The following ST6GALNAC3 variants were observed in gnomAD, a reference collection of about 807,000 sequenced individuals.
The protein encoded by ST6GALNAC3 is alpha-N-acetylgalactosaminide alpha-2,6-sialyltransferase 3.
A neutral mutation model predicts 32.7 loss-of-function variants in ST6GALNAC3; 25 were observed. The ratio of observed to expected loss-of-function variants is 0.76; its 90% CI spans 0.56 to 1.07. The LOEUF is 1.07. Ranked by LOEUF, ST6GALNAC3 falls within the 50% of genes least tolerant of loss-of-function variation. ST6GALNAC3 has a pLI of 0.00. For missense variants in ST6GALNAC3, 355 were observed against 382.4 expected, an observed-to-expected ratio of 0.93 and a Z score of 0.60; for synonymous variants, 129 against 133.1, an observed-to-expected ratio of 0.97 and a Z score of 0.21.
intron 1 of ST6GALNAC3, among the ~76,000 whole-genome samples, chr1:76,234,912 C>T (rs1656563019): frequency 1.3e-5 from 2 of 152,136 alleles, no homozygotes; most frequent in South Asian, 2.1e-4. Context: ...CCTGAGAGGG[C>T]TCTACCTAGA....
chr1:76,595,695 AC>A (rs1414389653), intron 3 of ST6GALNAC3, among the ~76,000 whole-genome samples: 1 of 152,044 alleles, frequency 6.6e-6, no homozygotes, highest in Non-Finnish European at 1.5e-5. Context: ...ACACGCACAC[AC>A]ACACACACAC....
At chr1:76,238,566 A>G (rs931185774) in intron 1 of ST6GALNAC3, among the ~76,000 whole-genome samples, 1 of 152,236 alleles carries the variant, frequency 6.6e-6, no homozygotes, top group Admixed American at 6.5e-5. Flanking sequence ...GAGGAGATGG[A>G]TGATGCAGCC....
chr1:76,236,653 AACTTGTTTATGATTATAAACAAG>A (rs1262297463), intron 1 of ST6GALNAC3, among the ~76,000 whole-genome samples: 6 of 152,140 alleles, frequency 3.9e-5, no homozygotes, highest in African/African-American at 9.7e-5. Flanking sequence ...GAGGCTTCAC[AACTTGTTTATGATTATAAACAAG>A]ACTATAATCT....
intron 1 of ST6GALNAC3, among the ~76,000 whole-genome samples, chr1:76,176,460 T>C (rs1652860942): frequency 6.6e-6 from 1 of 152,186 alleles, no homozygotes; most frequent in South Asian, 2.1e-4. Flanking sequence ...TAGATGCTTG[T>C]GAAAACAATT....
chr1:76,357,436 A>C (rs151297459), intron 2 of ST6GALNAC3, among the ~76,000 whole-genome samples: 3 of 152,170 alleles, frequency 2.0e-5, no homozygotes, highest in African/African-American at 7.2e-5. Context: ...CCTAGCACTC[A>C]TCTTCACATC....
chr1:76,272,184 G>C (rs1293530603), intron 1 of ST6GALNAC3, among the ~76,000 whole-genome samples: 1 of 151,872 alleles, frequency 6.6e-6, no homozygotes. Context: ...AAATCAGCTG[G>C]GTGTGGTGGT....
intron 1 of ST6GALNAC3, among the ~76,000 whole-genome samples, chr1:76,284,941 T>C (rs1659694833): frequency 6.6e-6 from 1 of 152,070 alleles, no homozygotes; most frequent in South Asian, 2.1e-4. Context: ...CAATAGGGTG[T>C]GGATAGGTGT....
intron 1 of ST6GALNAC3, among the ~76,000 whole-genome samples, chr1:76,273,838 T>C (rs1658990482): frequency 6.6e-6 from 1 of 152,200 alleles, no homozygotes; most frequent in African/African-American, 2.4e-5. Context: ...AGTTATGTTA[T>C]GGAATGATGT....
intron 3 of ST6GALNAC3, among the ~76,000 whole-genome samples, chr1:76,495,751 G>A (rs1342695396): frequency 2.0e-5 from 3 of 152,144 alleles, no homozygotes. Context: ...TAATTTAAAA[G>A]CTGCTTGATC....
chr1:76,220,398 T>C (rs80264285), intron 1 of ST6GALNAC3, among the ~76,000 whole-genome samples: 18 of 152,358 alleles, frequency 1.2e-4, no homozygotes, highest in East Asian at 9.7e-4. Flanking sequence ...AAAATAACTT[T>C]AGCAGTTTGG....
At position 76,186,328 on chromosome 1, in the gene ST6GALNAC3, G is replaced by T. The variant is rs191914503; in HGVS notation, c.18+111444G>T. Among the ~76,000 whole-genome samples, 5 of 152,310 alleles carry T rather than the reference G, an allele frequency of 3.3e-5. No homozygotes were observed. In the East Asian group the frequency reaches 7.7e-4, roughly 23 times the overall value. ...TCTTTGAGCATATGGAATGTCCATG[G>T]TGGAAAGAAGCAGACAGGTCTAAAT... On this transcript the variant is annotated intron_variant, in intron 1 of 4. Coordinates refer to ENST00000328299, the MANE Select transcript of ST6GALNAC3 (RefSeq NM_152996.4).
intron 2 of ST6GALNAC3, among the ~76,000 whole-genome samples, chr1:76,349,602 C>A (rs937380511): frequency 1.3e-5 from 2 of 152,060 alleles, no homozygotes; most frequent in Admixed American, 1.3e-4. Flanking sequence ...GAGGGAAATG[C>A]GCAGAAAACA....
At chr1:76,444,908 A>C (rs989658785) in intron 3 of ST6GALNAC3, among the ~76,000 whole-genome samples, 2 of 152,140 alleles carry the variant, frequency 1.3e-5, no homozygotes, top group African/African-American at 4.8e-5. Context: ...TCTACATTTC[A>C]TATGCAATAA....
At chr1:76,464,500 A>G (rs908396755) in intron 3 of ST6GALNAC3, among the ~76,000 whole-genome samples, 2 of 152,216 alleles carry the variant, frequency 1.3e-5, no homozygotes, top group Admixed American at 6.5e-5. Flanking sequence ...ATAGTCTTAC[A>G]GAATAGTAGG....
intron 3 of ST6GALNAC3, among the ~76,000 whole-genome samples, chr1:76,589,149 A>C (rs369029792): frequency 1.5e-4 from 23 of 152,188 alleles, no homozygotes; most frequent in East Asian, 5.8e-4. Flanking sequence ...AAAATGCATA[A>C]ATAATGTACT....
chr1:76,507,882 A>G (rs893630145), intron 3 of ST6GALNAC3, among the ~76,000 whole-genome samples: 2 of 152,212 alleles, frequency 1.3e-5, no homozygotes, highest in African/African-American at 4.8e-5. Flanking sequence ...GTACCCTTAT[A>G]CATTCTCACC....
intron 2 of ST6GALNAC3, among the ~76,000 whole-genome samples, chr1:76,389,375 T>C (rs765554611): frequency 3.0e-4 from 45 of 152,088 alleles, no homozygotes; most frequent in Non-Finnish European, 1.5e-4. Flanking sequence ...TGGAGCCACA[T>C]GAAGAGTTTT....
intron 3 of ST6GALNAC3, among the ~76,000 whole-genome samples, chr1:76,596,991 G>T (rs1231535925): frequency 1.3e-5 from 2 of 152,158 alleles, no homozygotes; most frequent in Non-Finnish European, 2.9e-5. Context: ...TTTTCAGAGA[G>T]ATTTACTAGC....
chr1:76,539,904 G>A (rs1168422040), intron 3 of ST6GALNAC3, among the ~76,000 whole-genome samples: 2 of 152,182 alleles, frequency 1.3e-5, no homozygotes, highest in Non-Finnish European at 1.5e-5. Context: ...TTACACTGTT[G>A]GTGGGAATGC....
Sources: gnomAD v4.1 joint callset for allele counts (sites outside exome capture counted in the v4.1 genomes callset) on GRCh38, gnomAD v4.1.1 for gene constraint, MANE v1.5 for transcripts, NCBI Gene and HGNC (gene_info 2026-07-23, HGNC 2026-07-21) for gene names.